IL1RAPL1: variants seen among roughly 807,000 people sequenced by gnomAD.
The protein encoded by IL1RAPL1 is interleukin-1 receptor accessory protein-like 1.
IL1RAPL1 carries 3 observed loss-of-function variants against 48.4 expected under a neutral mutation model. The ratio of observed to expected loss-of-function variants is 0.06; its 90% CI spans 0.03 to 0.16. The LOEUF (loss-of-function observed/expected upper bound fraction) is 0.16, where lower values mean the gene tolerates loss of function less well. IL1RAPL1 is among the 10% of genes least tolerant of loss of function. The probability of loss-of-function intolerance (pLI) is 1.00; values close to 1 mark genes in which losing one functional copy is unlikely to be tolerated. For synonymous variants in IL1RAPL1, 185 were observed against 187.7 expected (o/e 0.99, Z 0.12); for missense variants, 349 against 530.6 (o/e 0.66, Z 3.36).
chrX:29,860,436 G>A (rs952215629), intron 6 of IL1RAPL1, among the ~76,000 whole-genome samples: 6 of 110,840 alleles, frequency 5.4e-5, no homozygotes, highest in African/African-American at 2.0e-4. Flanking sequence ...AGGTATACAC[G>A]TGCTGTGGTG....
At chrX:29,608,214 T>C (rs1177569844) in intron 5 of IL1RAPL1, among the ~76,000 whole-genome samples, 2 of 111,740 alleles carry the variant, frequency 1.8e-5, no homozygotes, top group Non-Finnish European at 3.8e-5. Flanking sequence ...GACTTTTTAA[T>C]AGCATTACAG....
At chrX:28,620,670 T>C (rs1304117280) in intron 1 of IL1RAPL1, among the ~76,000 whole-genome samples, 1 of 112,048 alleles carries the variant, frequency 8.9e-6, no homozygotes, top group Non-Finnish European at 1.9e-5. Flanking sequence ...TTTGTATTCA[T>C]AGAGGGCTTA....
At chrX:29,140,396 A>G (rs1929221127) in intron 2 of IL1RAPL1, among the ~76,000 whole-genome samples, 1 of 112,334 alleles carries the variant, frequency 8.9e-6, no homozygotes, top group Non-Finnish European at 1.9e-5. Flanking sequence ...GAAGAAGCAA[A>G]GATGAATAAA....
rs897902693 is a variant in IL1RAPL1 at position 28,642,365 on chromosome X, C to T, written c.-25+54318C>T. Among the ~76,000 whole-genome samples the T allele has an allele frequency of 2.7e-5, 3 of 111,989 alleles. No individual in the cohort carries two copies. In the East Asian group the frequency reaches 8.4e-4, roughly 31 times the overall value. On this transcript the variant is annotated intron_variant, in intron 1 of 10. Coordinates refer to ENST00000378993, the MANE Select transcript of IL1RAPL1 (RefSeq NM_014271.4). ...CCAAATCAACAGAATATACATTCTT[C>T]TCAGTACCACATCGCAGTTATTCTA...
chrX:29,841,597 T>C (rs976512107), intron 6 of IL1RAPL1, among the ~76,000 whole-genome samples: 3 of 111,576 alleles, frequency 2.7e-5, no homozygotes, highest in African/African-American at 9.8e-5. Context: ...TAGAATATAG[T>C]GATACAAAGA....
intron 5 of IL1RAPL1, among the ~76,000 whole-genome samples, chrX:29,400,598 A>G (rs976135368): frequency 2.7e-5 from 3 of 112,188 alleles, no homozygotes; most frequent in South Asian, 7.3e-4. Context: ...AAAGGACATT[A>G]GCTGTTTTAA....
intron 2 of IL1RAPL1, among the ~76,000 whole-genome samples, chrX:29,245,825 G>A (rs556633262): frequency 9.0e-6 from 1 of 111,007 alleles, no homozygotes; most frequent in East Asian, 2.8e-4. Context: ...ATCGCTTTTG[G>A]TGTTTTAATC....
chrX:29,003,753 A>G (rs1167029515), intron 2 of IL1RAPL1, among the ~76,000 whole-genome samples: 1 of 112,592 alleles, frequency 8.9e-6, no homozygotes, highest in Non-Finnish European at 1.9e-5. Context: ...TGACAGTATT[A>G]TAGATCATAG....
intron 2 of IL1RAPL1, among the ~76,000 whole-genome samples, chrX:29,178,561 T>G (rs942336952): frequency 8.9e-6 from 1 of 111,740 alleles, no homozygotes; most frequent in Non-Finnish European, 1.9e-5. Flanking sequence ...TTCACTCTGA[T>G]GGTAGTTTGT....
chrX:28,828,799 C>T (rs1402791939), intron 2 of IL1RAPL1, among the ~76,000 whole-genome samples: 4 of 111,561 alleles, frequency 3.6e-5, no homozygotes, highest in Non-Finnish European at 7.5e-5. Flanking sequence ...CAGTTTTGTT[C>T]GGGTTTTCAA....
At position 29,154,067 on chromosome X, in the gene IL1RAPL1, A is replaced by G. The variant is rs149308472; in HGVS notation, c.83-128871A>G. ...TGTTCTGGAGTGACATCTATTAGAG[A>G]AGGTTTATCATCTTTGACCACTTTG... On this transcript the variant is annotated intron_variant, in intron 2 of 10. Coordinates refer to ENST00000378993, the MANE Select transcript of IL1RAPL1 (RefSeq NM_014271.4). Among the ~76,000 whole-genome samples, 18 of 111,587 alleles carry G rather than the reference A, an allele frequency of 1.6e-4. No individual in the cohort carries two copies. The East Asian group carries it at 3.1e-3, about 19-fold the overall frequency.
At chrX:29,109,532 C>T (rs1445852907) in intron 2 of IL1RAPL1, among the ~76,000 whole-genome samples, 2 of 110,446 alleles carry the variant, frequency 1.8e-5, no homozygotes, top group Non-Finnish European at 3.8e-5. Context: ...TGGTAAGAAA[C>T]ATCAAAGGTC....
chrX:29,955,677 T>C lies in IL1RAPL1; in HGVS notation c.1948T>C (p.Cys650Arg). The C allele has an allele frequency of 8.3e-7, 1 of 1,211,756 alleles. No homozygotes were observed. ...CTCCATAGGCAATCAGCATACCTACTGTAACATCCCTATGACACTCATCAA... is the reference window on the plus strand; with the variant it reads ...CTCCATAGGCAATCAGCATACCTACCGTAACATCCCTATGACACTCATCAA... Reference protein sequence around the residue: ...LTSIGNQHTYCNIPMTLINGQ... With the variant: ...LTSIGNQHTYRNIPMTLINGQ... The change falls in exon 11 of 11, where the codon TGT (cysteine) becomes CGT (arginine). Residue 650 changes from cysteine to arginine, a missense_variant. This residue lies in a region of IL1RAPL1 where 65 missense variants were observed against 79.6 expected (regional missense o/e 0.82). Coordinates refer to ENST00000378993, the MANE Select transcript of IL1RAPL1 (RefSeq NM_014271.4).
At chrX:28,682,238 G>A (rs914584639) in intron 1 of IL1RAPL1, among the ~76,000 whole-genome samples, 1 of 111,209 alleles carries the variant, frequency 9.0e-6, no homozygotes, top group African/African-American at 3.3e-5. Context: ...TGGGAATAGT[G>A]CTGCTCTGAA....
At chrX:29,682,198 G>A (rs916841344) in intron 6 of IL1RAPL1, among the ~76,000 whole-genome samples, 2 of 111,543 alleles carry the variant, frequency 1.8e-5, no homozygotes, top group African/African-American at 6.5e-5. Context: ...ACTATATCGT[G>A]TTCAGGGTAA....
intron 1 of IL1RAPL1, among the ~76,000 whole-genome samples, chrX:28,719,303 C>T (rs533470532): frequency 9.0e-6 from 1 of 110,893 alleles, no homozygotes; most frequent in African/African-American, 3.3e-5. Context: ...GTGTAAAGAG[C>T]ACTGCACTGA....
At chrX:29,715,179 A>C (rs1482362399) in intron 6 of IL1RAPL1, among the ~76,000 whole-genome samples, 1 of 111,107 alleles carries the variant, frequency 9.0e-6, no homozygotes, top group African/African-American at 3.3e-5. Flanking sequence ...AGCTGCTAGG[A>C]GTTTTGGGTT....
chrX:29,019,087 A>G (rs1357679929), intron 2 of IL1RAPL1, among the ~76,000 whole-genome samples: 1 of 111,504 alleles, frequency 9.0e-6, no homozygotes, highest in Non-Finnish European at 1.9e-5. Flanking sequence ...AGCTCCTCAT[A>G]AAACCATCAG....
intron 6 of IL1RAPL1, among the ~76,000 whole-genome samples, chrX:29,757,256 TATA>T (rs1378766193): frequency 3.6e-5 from 4 of 112,208 alleles, no homozygotes; most frequent in African/African-American, 1.3e-4. Flanking sequence ...CTCATAAAAT[TATA>T]ATCTCTTGAA....
Sources: allele counts gnomAD v4.1 joint callset (sites outside exome capture counted in the v4.1 genomes callset), GRCh38; gene constraint gnomAD v4.1.1; regional missense constraint gnomAD v4.1.1; transcripts MANE v1.5; gene names NCBI Gene and HGNC (gene_info 2026-07-23, HGNC 2026-07-21).